RXFP1: variants seen among roughly 807,000 people sequenced by gnomAD.
RXFP1 encodes the protein relaxin receptor 1.
In RXFP1, 73 loss-of-function variants were observed where a neutral mutation model predicts 89.8. The ratio of observed to expected loss-of-function variants is 0.81; its 90% confidence interval spans 0.67 to 0.99. RXFP1 has a LOEUF of 0.99. RXFP1 is among the 50% of genes least tolerant of loss of function. RXFP1 has a pLI of 0.00. For missense variants in RXFP1, 793 were observed against 895.5 expected, an observed-to-expected ratio of 0.89 and a Z score of 1.46; for synonymous variants, 277 against 305.5, an observed-to-expected ratio of 0.91 and a Z score of 0.97.
At chr4:158,639,184 C>A in intron 13 of RXFP1, 76 bp from the exon 14 acceptor site, 1 of 812,224 alleles carries the variant, frequency 1.2e-6, no homozygotes, top group Non-Finnish European at 2.1e-6. Context: ...ATTAAATTGT[C>A]CTTCACAGAA....
rs201638346 is a variant in RXFP1, at chr4:158,529,364, TCCTC to T, written c.49+7342_49+7345del. Among the ~76,000 whole-genome samples, 566 of 152,086 alleles carry T rather than the reference TCCTC, an allele frequency of 3.7e-3. 3 individuals are homozygous for T. Among genetic ancestry groups the T allele is most frequent in the African/African-American group, 0.013 (537 of 41,504 alleles). ...GCCTCAACCTCCTGGACTCAAGTGATCCTCCCACCTCAGCCTCCTGAGTAGCTGG... is the reference window on the plus strand; with the variant it reads ...GCCTCAACCTCCTGGACTCAAGTGATCCACCTCAGCCTCCTGAGTAGCTGG... On this transcript the variant is annotated intron_variant, in intron 1 of 17. Transcript: ENST00000307765.
At chr4:158,619,705 A>G (rs1765238771) in intron 9 of RXFP1, among the ~76,000 whole-genome samples, 1 of 152,130 alleles carries the variant, frequency 6.6e-6, no homozygotes, top group South Asian at 2.1e-4. Flanking sequence ...TCAGGGAACA[A>G]AAGCATCAAG....
At chr4:158,645,568 T>C (rs1407209754) in intron 15 of RXFP1, among the ~76,000 whole-genome samples, 2 of 152,220 alleles carry the variant, frequency 1.3e-5, no homozygotes, top group Non-Finnish European at 2.9e-5. Context: ...TCTGAGCTAC[T>C]AGAAGTTTTT....
chr4:158,534,107 A>G (rs572673962), intron 1 of RXFP1, among the ~76,000 whole-genome samples: 13 of 152,296 alleles, frequency 8.5e-5, no homozygotes, highest in Non-Finnish European at 1.8e-4. Flanking sequence ...TTCTTCTCTA[A>G]TTAGTCTCCC....
intron 1 of RXFP1, among the ~76,000 whole-genome samples, chr4:158,562,758 C>T (rs1490418840): frequency 6.6e-6 from 1 of 152,072 alleles, no homozygotes; most frequent in Non-Finnish European, 1.5e-5. Context: ...TTAAAGTACA[C>T]ATCCCCTGTG....
At chr4:158,614,724 A>G (rs773091604) in intron 8 of RXFP1, among the ~76,000 whole-genome samples, 1 of 152,000 alleles carries the variant, frequency 6.6e-6, no homozygotes, top group Non-Finnish European at 1.5e-5. Flanking sequence ...CTTTCCTATC[A>G]TTTGTGTGTT....
intron 17 of RXFP1, 98 bp downstream of exon 17, chr4:158,648,815 A>T: frequency 5.2e-6 from 4 of 773,318 alleles, no homozygotes; most frequent in African/African-American, 1.8e-5. Flanking sequence ...AAACAATTCA[A>T]AGAATTGTAC....
chr4:158,651,958 A>G lies in RXFP1; in HGVS notation c.2177A>G (p.Gln726Arg), dbSNP rs766483698. 5.0e-6 allele frequency: 8 copies of G among 1,614,054 alleles called. No homozygotes were observed. The highest frequency in any genetic ancestry group is 1.3e-5 in the African/African-American group (1 of 74,932). ...SFIWVEMWPL[Q>R]EMPPELMKPD... Reference sequence around the variant, plus strand: ...ATCTGGGTGGAAATGTGGCCACTGCAGGAGATGCCACCTGAGTTAATGAAG... The same window carrying G: ...ATCTGGGTGGAAATGTGGCCACTGCGGGAGATGCCACCTGAGTTAATGAAG... The change falls in exon 18 of 18, where the codon CAG becomes CGG. Residue 726 changes from glutamine to arginine, a missense_variant. Coordinates refer to ENST00000307765, the MANE Select transcript of RXFP1 (RefSeq NM_021634.4).
intron 4 of RXFP1, among the ~76,000 whole-genome samples, chr4:158,600,348 T>C (rs953401594): frequency 9.9e-5 from 15 of 152,196 alleles, no homozygotes; most frequent in Non-Finnish European, 1.9e-4. Context: ...AGTGGTTCCA[T>C]TGAATTCACA....
At chr4:158,629,031 T>C (rs183201730) in intron 11 of RXFP1, among the ~76,000 whole-genome samples, 1 of 148,932 alleles carries the variant, frequency 6.7e-6, no homozygotes, top group Non-Finnish European at 1.5e-5. Context: ...TTATGGGGGG[T>C]TTTTTGTTTT....
intron 9 of RXFP1, among the ~76,000 whole-genome samples, chr4:158,621,079 A>C (rs532131013): frequency 3.3e-5 from 5 of 152,246 alleles, no homozygotes; most frequent in Non-Finnish European, 5.9e-5. Flanking sequence ...TGGAAGTTGC[A>C]GTGAGCTGAG....
chr4:158,550,599 CT>C (rs1229156349), intron 1 of RXFP1, among the ~76,000 whole-genome samples: 1 of 152,192 alleles, frequency 6.6e-6, no homozygotes, highest in Non-Finnish European at 1.5e-5. Flanking sequence ...GGCTCCACCC[CT>C]GACCTTGATC....
chr4:158,538,223 T>G (rs1745726362), intron 1 of RXFP1, among the ~76,000 whole-genome samples: 2 of 152,186 alleles, frequency 1.3e-5, no homozygotes, highest in Non-Finnish European at 2.9e-5. Flanking sequence ...GAGGACACAT[T>G]AATGATCTAC....
At chr4:158,618,123 G>A (rs1046942160) in intron 9 of RXFP1, among the ~76,000 whole-genome samples, 4 of 152,012 alleles carry the variant, frequency 2.6e-5, no homozygotes, top group Non-Finnish European at 2.9e-5. Context: ...ATACTGTACT[G>A]TACATTGAAA....
intron 15 of RXFP1, among the ~76,000 whole-genome samples, chr4:158,645,383 C>T (rs1176960851): frequency 6.6e-6 from 1 of 152,196 alleles, no homozygotes; most frequent in Non-Finnish European, 1.5e-5. Flanking sequence ...TATTAGTTCT[C>T]TCTCATACAG....
At chr4:158,643,386 A>T (rs1000098069) in intron 14 of RXFP1, among the ~76,000 whole-genome samples, 4 of 151,382 alleles carry the variant, frequency 2.6e-5, no homozygotes, top group African/African-American at 4.9e-5. Context: ...TGCAATAAAC[A>T]TGGGGGTGCA....
At position 158,617,116 on chromosome 4, in the gene RXFP1, C is replaced by T; in HGVS notation, c.681-15C>T. 1 of 1,581,332 alleles carries T rather than the reference C, an allele frequency of 6.3e-7. No homozygotes were observed. Among genetic ancestry groups the T allele is most frequent in the Non-Finnish European group, 8.6e-7 (1 of 1,158,482 alleles). ...AACCAGAAAAATGTGACTTGTTTGT[C>T]TTTTCCTTTTTCAGAGTCCTGATGA... On this transcript the variant is annotated splice_polypyrimidine_tract_variant and intron_variant, in intron 8 of 17. Transcript: ENST00000307765.
chr4:158,596,205 C>A (rs1273809551), intron 3 of RXFP1, among the ~76,000 whole-genome samples: 2 of 151,282 alleles, frequency 1.3e-5, no homozygotes, highest in East Asian at 1.9e-4. Flanking sequence ...ATGAATTAAG[C>A]CATGTTGTCT....
rs200913773 is a variant in RXFP1 at position 158,605,119 on chromosome 4, T to C, written c.444T>C (p.Asn148=). 8.2e-5 allele frequency: 130 copies of C among 1,592,352 alleles called. No individual in the cohort carries two copies. Among genetic ancestry groups the C allele is most frequent in the Non-Finnish European group, 1.1e-4 (124 of 1,163,486 alleles). Reference sequence around the variant, plus strand: ...AGCTTCCTCCTGATTGCTTCAAGAATTATCATGATCTTCAGAAGCTGTAAG... The same window carrying C: ...AGCTTCCTCCTGATTGCTTCAAGAACTATCATGATCTTCAGAAGCTGTAAG... ...IRKLPPDCFK[N]YHDLQKLYLQ... The change falls in exon 5 of 18, where the codon AAT becomes AAC. Residue 148 remains asparagine, a synonymous_variant. Transcript: ENST00000307765.
Sources: allele counts gnomAD v4.1 joint callset (sites outside exome capture counted in the v4.1 genomes callset), GRCh38; gene constraint gnomAD v4.1.1; transcripts MANE v1.5; gene names NCBI Gene and HGNC (gene_info 2026-07-23, HGNC 2026-07-21).